The following SORCS2 variants were observed in gnomAD, a reference collection of about 807,000 sequenced individuals.
The protein encoded by SORCS2 is sortilin related VPS10 domain containing receptor 2.
SORCS2 carries 100 observed loss-of-function variants against 141.6 expected under a neutral mutation model. The ratio of observed to expected loss-of-function variants is 0.71; its 90% confidence interval spans 0.60 to 0.83. The LOEUF is 0.83. SORCS2 is among the 40% of genes least tolerant of loss of function. The pLI is 0.00. For synonymous variants in SORCS2, 789 were observed against 676.9 expected (o/e 1.17, Z -2.57); for missense variants, 1,646 against 1,560.2 (o/e 1.05, Z -0.93).
At chr4:7,681,991 C>T (rs946582849) in intron 9 of SORCS2, among the ~76,000 whole-genome samples, 11 of 152,278 alleles carry the variant, frequency 7.2e-5, no homozygotes, top group African/African-American at 2.2e-4. Flanking sequence ...TTGATAAATA[C>T]GGGTCAAAAC....
intron 19 of SORCS2, 116 bp downstream of exon 19, chr4:7,723,999 G>C (rs1300680719): frequency 2.5e-5 from 32 of 1,264,140 alleles, no homozygotes; most frequent in Non-Finnish European, 3.2e-5. Context: ...TACTCAGGAC[G>C]GTGAACCCGA....
rs74806787 is a variant in SORCS2, at chr4:7,633,684, G to A, written c.649-4644G>A. Among the ~76,000 whole-genome samples the A allele has an allele frequency of 1.8e-3, 267 of 151,650 alleles. 2 individuals are homozygous for A. Among genetic ancestry groups the A allele is most frequent in the African/African-American group, 6.2e-3 (258 of 41,552 alleles). ...TGCTCTCCAGGCTACTTAAATGTTC[G>A]TAAGGTTGTTTTCCTCCCAGAGGTG... On this transcript the variant is annotated intron_variant, in intron 3 of 26. Coordinates refer to ENST00000507866, the MANE Select transcript of SORCS2 (RefSeq NM_020777.3).
intron 2 of SORCS2, among the ~76,000 whole-genome samples, chr4:7,475,144 C>T (rs1730212799): frequency 6.6e-6 from 1 of 152,186 alleles, no homozygotes; most frequent in Non-Finnish European, 1.5e-5. Context: ...CCCGATTCCA[C>T]CAAAAACATT....
Position 7,723,667 on chromosome 4 carries a change from C to T in SORCS2, c.2425-30C>T. 3.1e-6 allele frequency: 5 copies of T among 1,612,772 alleles called. No individual in the cohort carries two copies. In the African/African-American group the frequency reaches 6.7e-5, roughly 22 times the overall value. ...TGGCCCCTCAGCTTCAAGGCCCACT[C>T]CTGAGTGGCCACATGGTGTTTCTCT... On this transcript the variant is annotated intron_variant, in intron 18 of 26. Coordinates refer to ENST00000507866, the MANE Select transcript of SORCS2 (RefSeq NM_020777.3).
At chr4:7,328,889 C>T (rs753175917) in intron 1 of SORCS2, among the ~76,000 whole-genome samples, 7 of 152,182 alleles carry the variant, frequency 4.6e-5, no homozygotes, top group Admixed American at 2.6e-4. Flanking sequence ...CCCCACTTGC[C>T]GGCACCCTTG....
chr4:7,284,435 G>A (rs550955647), intron 1 of SORCS2, among the ~76,000 whole-genome samples: 71 of 152,354 alleles, frequency 4.7e-4, no homozygotes, highest in Middle Eastern at 3.4e-3. Flanking sequence ...TACAGTGCCT[G>A]CACATAGTAG....
At chr4:7,457,838 G>A (rs1729018927) in intron 2 of SORCS2, among the ~76,000 whole-genome samples, 1 of 152,248 alleles carries the variant, frequency 6.6e-6, no homozygotes, top group Non-Finnish European at 1.5e-5. Context: ...GGAAGGCCCT[G>A]GGGGTTTTAG....
intron 1 of SORCS2, among the ~76,000 whole-genome samples, chr4:7,211,512 AC>A (rs1307135451): frequency 3.3e-5 from 5 of 152,262 alleles, no homozygotes; most frequent in African/African-American, 1.2e-4. Context: ...AGCTGGGATT[AC>A]AAGCACCTAC....
chr4:7,535,862 C>A (rs1036300452), intron 3 of SORCS2, among the ~76,000 whole-genome samples: 1 of 152,268 alleles, frequency 6.6e-6, no homozygotes, highest in Non-Finnish European at 1.5e-5. Context: ...ACCTGGTTCC[C>A]TCAGGCCCGG....
intron 2 of SORCS2, among the ~76,000 whole-genome samples, chr4:7,424,004 G>A (rs941569047): frequency 4.6e-5 from 7 of 152,312 alleles, no homozygotes; most frequent in Admixed American, 2.6e-4. Flanking sequence ...ATGGCAGGGC[G>A]CTCCGTGTCC....
chr4:7,279,954 C>T (rs1274220942), intron 1 of SORCS2, among the ~76,000 whole-genome samples: 2 of 150,374 alleles, frequency 1.3e-5, no homozygotes, highest in Non-Finnish European at 2.9e-5. Context: ...TACATCCCAA[C>T]TCCCAGCTGA....
chr4:7,406,245 C>T (rs1724962668), intron 2 of SORCS2, among the ~76,000 whole-genome samples: 1 of 148,762 alleles, frequency 6.7e-6, no homozygotes, highest in African/African-American at 2.5e-5. Flanking sequence ...ACGCTGGCTT[C>T]ATAGAATGAG....
At chr4:7,420,309 A>C (rs13114433) in intron 2 of SORCS2, among the ~76,000 whole-genome samples, 63,872 of 152,054 alleles carry the variant, frequency 0.42, 13,516 homozygotes, top group Middle Eastern at 0.59. Flanking sequence ...TGGGCCTCAG[A>C]GTCCCCATCT....
intron 3 of SORCS2, among the ~76,000 whole-genome samples, chr4:7,587,873 T>G (rs560474734): frequency 3.3e-5 from 5 of 152,340 alleles, no homozygotes; most frequent in African/African-American, 1.2e-4. Context: ...GAATTTGTTT[T>G]TAGAGTCCAT....
In SORCS2 at chr4:7,589,130, C is replaced by T. The variant is rs147978574; in HGVS notation, c.649-49198C>T. Among the ~76,000 whole-genome samples the T allele has an allele frequency of 3.8e-3, 583 of 152,254 alleles. 3 individuals are homozygous for T. Among genetic ancestry groups the T allele is most frequent in the African/African-American group, 0.013 (539 of 41,546 alleles). ...GCAGGCTCGGAGTTGGTTCTGAGTG[C>T]TCTCAAATGCAGTGCCAAGAGTTTG... On this transcript the variant is annotated intron_variant, in intron 3 of 26. Coordinates refer to ENST00000507866, the MANE Select transcript of SORCS2 (RefSeq NM_020777.3).
At chr4:7,660,926 A>G (rs1722121243) in intron 5 of SORCS2, among the ~76,000 whole-genome samples, 1 of 152,156 alleles carries the variant, frequency 6.6e-6, no homozygotes, top group Admixed American at 6.5e-5. Context: ...GCCACACTTG[A>G]CCAGGTCATG....
chr4:7,458,986 C>A (rs6818195), intron 2 of SORCS2, among the ~76,000 whole-genome samples: 1 of 151,980 alleles, frequency 6.6e-6, no homozygotes, highest in Non-Finnish European at 1.5e-5. Context: ...GTGTGGGGGC[C>A]GGCAGGGGGT....
intron 1 of SORCS2, among the ~76,000 whole-genome samples, chr4:7,368,712 C>T (rs894918855): frequency 1.3e-5 from 2 of 152,144 alleles, no homozygotes; most frequent in Admixed American, 1.3e-4. Flanking sequence ...TTGAAGTTGG[C>T]CAAGAGGATC....
chr4:7,505,656 G>T (rs920432029), intron 2 of SORCS2, among the ~76,000 whole-genome samples: 2 of 152,094 alleles, frequency 1.3e-5, no homozygotes, highest in Admixed American at 1.3e-4. Context: ...CACGGAGAGG[G>T]TACTCAGATA....
Sources: allele counts gnomAD v4.1 joint callset (sites outside exome capture counted in the v4.1 genomes callset), GRCh38; gene constraint gnomAD v4.1.1; transcripts MANE v1.5; gene names NCBI Gene and HGNC (gene_info 2026-07-23, HGNC 2026-07-21).